RBBP8NL: variants seen among roughly 807,000 people sequenced by gnomAD.
The protein encoded by RBBP8NL is RBBP8 N-terminal-like protein.
In RBBP8NL, 59 loss-of-function variants were observed where a neutral mutation model predicts 62.2. The observed-to-expected ratio is 0.95, with a 90% CI of 0.77 to 1.18. RBBP8NL has a LOEUF of 1.18. Among genes scored for constraint, RBBP8NL ranks in the 50% most tolerant of loss-of-function variants. RBBP8NL has a pLI of 0.00. For missense variants in RBBP8NL, 896 were observed against 899.5 expected, an observed-to-expected ratio of 1.00 and a Z score of 0.05; for synonymous variants, 412 against 394.1, an observed-to-expected ratio of 1.05 and a Z score of -0.54.
intron 11 of RBBP8NL, 145 bp downstream of exon 11, chr20:62,413,256 C>G: frequency 9.2e-7 from 1 of 1,090,426 alleles, no homozygotes; most frequent in Admixed American, 3.4e-5. Context: ...AGAGCCAAGC[C>G]CTGGAGCCTG....
Position 62,414,017 on chromosome 20 carries a change from G to A in RBBP8NL, c.1334C>T (p.Ser445Leu), listed in dbSNP as rs777291306. ...DCALDKPLDL[S>L]EWGRARGQDT... ...CTGGCCCCGGGCCCGGCCCCACTCC[G>A]AGAGGTCCAGGGGCTTGTCTAGGGC... Residue 445 changes from serine to leucine, a missense_variant, in exon 10 of 14, where the codon TCG becomes TTG. Coordinates refer to ENST00000252998, the MANE Select transcript of RBBP8NL (RefSeq NM_080833.3). 47 of 1,583,968 alleles carry A rather than the reference G, an allele frequency of 3.0e-5. No homozygotes were observed. The Admixed American group carries it at 6.9e-4, about 23-fold the overall frequency.
intron 1 of RBBP8NL, among the ~76,000 whole-genome samples, chr20:62,422,312 C>G (rs1312809381): frequency 6.6e-6 from 1 of 151,964 alleles, no homozygotes; most frequent in African/African-American, 2.4e-5. Flanking sequence ...CCGCCTAACC[C>G]CATCCCATGA....
chr20:62,415,460 A>G, intron 8 of RBBP8NL, 118 bp downstream of exon 8: 1 of 1,386,392 alleles, frequency 7.2e-7, no homozygotes, highest in Non-Finnish European at 1.0e-6. Flanking sequence ...GGGACAAAGG[A>G]GGGGCACATT....
At chr20:62,413,596 C>G (rs770110360) in intron 10 of RBBP8NL, 51 bp from the exon 11 acceptor site, 5 of 1,495,176 alleles carry the variant, frequency 3.3e-6, no homozygotes, top group African/African-American at 1.4e-5. Context: ...ACTTCCTTGC[C>G]GCCAACTCAG....
intron 1 of RBBP8NL, among the ~76,000 whole-genome samples, chr20:62,426,716 CACCGCCGCAGGGCCCCCGGGACAG>C (rs1988816595): frequency 6.6e-6 from 1 of 152,262 alleles, no homozygotes; most frequent in Non-Finnish European, 1.5e-5. Flanking sequence ...CCTGTGCACA[CACCGCCGCAGGGCCCCCGGGACAG>C]CTGCACACGC....
intron 1 of RBBP8NL, among the ~76,000 whole-genome samples, chr20:62,427,183 A>G (rs890578711): frequency 3.3e-5 from 5 of 152,192 alleles, no homozygotes; most frequent in African/African-American, 1.2e-4. Context: ...TCAGCAGACC[A>G]TGGACACTTC....
chr20:62,413,043 G>A (rs1362897921), intron 11 of RBBP8NL, 143 bp from the exon 12 acceptor site: 2 of 958,688 alleles, frequency 2.1e-6, no homozygotes, highest in Non-Finnish European at 3.1e-6. Flanking sequence ...CAGGGCACTG[G>A]CTGACAGGAG....
chr20:62,418,368 G>T lies in RBBP8NL; in HGVS notation c.104+55C>A, dbSNP rs369809222. 2.9e-5 allele frequency: 43 copies of T among 1,482,538 alleles called. No homozygotes were observed. The East Asian group carries it at 7.1e-4, about 25-fold the overall frequency. 91.8% of individuals were successfully genotyped at this position (1,482,538 alleles called of 1,614,324 possible). A position where few individuals can be genotyped will look rare whatever the true frequency, so the allele number is the denominator to read the frequency against. On this transcript the variant is annotated intron_variant, in intron 3 of 13. Transcript: ENST00000252998. ...TGCTGGCACACTGGGGCTTCAGGGG[G>T]ATGAAGTGGCCAGTGTGGTCCCTGT...
chr20:62,423,003 C>G (rs1365464992), intron 1 of RBBP8NL, among the ~76,000 whole-genome samples: 1 of 151,890 alleles, frequency 6.6e-6, no homozygotes, highest in East Asian at 1.9e-4. Context: ...GATCCTGGGA[C>G]TAGGGAGACT....
At chr20:62,416,721 G>A (rs200551020) in intron 5 of RBBP8NL, 39 bp downstream of exon 5, 26 of 1,456,452 alleles carry the variant, frequency 1.8e-5, no homozygotes, top group South Asian at 9.7e-5. Context: ...GCCTGGCCCC[G>A]TGGGAGAGGA....
At position 62,415,299 on chromosome 20, in the gene RBBP8NL, G is replaced by A; in HGVS notation, c.628-12C>T. The A allele has an allele frequency of 6.4e-7, 1 of 1,566,010 alleles. No individual in the cohort carries two copies. Among genetic ancestry groups the A allele is most frequent in the South Asian group, 1.2e-5 (1 of 86,446 alleles). On this transcript the variant is annotated splice_polypyrimidine_tract_variant and intron_variant, in intron 8 of 13. Transcript: ENST00000252998. ...ATGCGCTGGGGGCTCTGTGAGGATGGGTGGGTCAGCCTGGGCGGGGGCATG... is the reference window on the plus strand; with the variant it reads ...ATGCGCTGGGGGCTCTGTGAGGATGAGTGGGTCAGCCTGGGCGGGGGCATG...
Position 62,417,242 on chromosome 20 carries a change from AG to A in RBBP8NL, c.181del (p.Leu61CysfsTer48). The A allele has an allele frequency of 3.1e-6, 5 of 1,605,024 alleles. No individual in the cohort carries two copies. The highest frequency in any genetic ancestry group is 1.7e-5 in the Admixed American group (1 of 58,884). ...GGCCCACCTGTTCTCCAGCACCCGCAGGTTCTCCTTCAGTGTCTTCTGCTGT... is the reference window on the plus strand; with the variant it reads ...GGCCCACCTGTTCTCCAGCACCCGCAGTTCTCCTTCAGTGTCTTCTGCTGT... ...REQQKTLKEN[L>X]RVLENRLRAG... On this transcript the variant is annotated frameshift_variant, in exon 4 of 14. Coordinates refer to ENST00000252998, the MANE Select transcript of RBBP8NL (RefSeq NM_080833.3). LOFTEE classifies it high-confidence loss of function.
chr20:62,426,059 C>T (rs1016173865), intron 1 of RBBP8NL, among the ~76,000 whole-genome samples: 3 of 150,048 alleles, frequency 2.0e-5, no homozygotes, highest in Non-Finnish European at 4.4e-5. Flanking sequence ...GTAGCAGTAG[C>T]AGTGGCAGTG....
At position 62,412,818 on chromosome 20, in the gene RBBP8NL, G is replaced by T; in HGVS notation, c.1746+12C>A. On this transcript the variant is annotated intron_variant, in intron 12 of 13. Coordinates refer to ENST00000252998, the MANE Select transcript of RBBP8NL (RefSeq NM_080833.3). ...CTGGCCCTGCCCTGCTGAGTGTGTG[G>T]CCTGGACCCACCTCGCTGCCTGGGG... The T allele has an allele frequency of 1.2e-6, 2 of 1,613,360 alleles. No individual in the cohort carries two copies. Among genetic ancestry groups the T allele is most frequent in the Non-Finnish European group, 1.7e-6 (2 of 1,180,004 alleles).
Position 62,419,722 on chromosome 20 carries a change from G to A in RBBP8NL, c.-75C>T. 6.6e-7 allele frequency: 1 copy of A among 1,504,542 alleles called. No individual in the cohort carries two copies. Among genetic ancestry groups the A allele is most frequent in the Admixed American group, 1.7e-5 (1 of 59,010 alleles). 93.2% of individuals were successfully genotyped at this position (1,504,542 alleles called of 1,614,324 possible). A position where few individuals can be genotyped will look rare whatever the true frequency, so the allele number is the denominator to read the frequency against. On this transcript the variant is annotated 5_prime_UTR_variant, in exon 2 of 14. Transcript: ENST00000252998. ...CGCCTGCAGCCTCTACTGCCCCTCT[G>A]TGTCCATCCTGAAGAGGAGGAAGAG... is the stretch of plus-strand genomic sequence containing the variant.
chr20:62,426,018 GGCAGTGGCATTA>G lies in RBBP8NL; in HGVS notation c.-84+1430_-84+1441del, dbSNP rs1236789673. On this transcript the variant is annotated intron_variant, in intron 1 of 13. Transcript: ENST00000252998. The stretch of plus-strand genomic sequence containing the variant: ...TGGGAGTGGCAGTGGCAGTGGCAGC[GGCAGTGGCATTA>G]GCAGTGGCAGTGGCAGTGGTAGCAG... Among the ~76,000 whole-genome samples the G allele has an allele frequency of 8.2e-4, 48 of 58,714 alleles. No homozygotes were observed. The East Asian group carries it at 0.018, about 22-fold the overall frequency. 38.5% of individuals were successfully genotyped at this position (58,714 alleles called of 152,430 possible). A position where few individuals can be genotyped will look rare whatever the true frequency, so the allele number is the denominator to read the frequency against.
chr20:62,423,625 G>C (rs13044431), intron 1 of RBBP8NL, among the ~76,000 whole-genome samples: 97,075 of 152,096 alleles, frequency 0.64, 30,984 homozygotes, highest in South Asian at 0.72. Context: ...CCTGGGAGAG[G>C]TCTCTGGGGT....
chr20:62,413,343 C>G lies in RBBP8NL; in HGVS notation c.1675+58G>C, dbSNP rs1052348612. On this transcript the variant is annotated intron_variant, in intron 11 of 13. Coordinates refer to ENST00000252998, the MANE Select transcript of RBBP8NL (RefSeq NM_080833.3). Reference sequence around the variant, plus strand: ...CCTGGTGGGCACTGACCACCACCCTCTCTCTCCGTGGGGAAAACACCTCCC... The same window carrying G: ...CCTGGTGGGCACTGACCACCACCCTGTCTCTCCGTGGGGAAAACACCTCCC... 5 of 1,371,274 alleles carry G rather than the reference C, an allele frequency of 3.6e-6. No individual in the cohort carries two copies. The African/African-American group carries it at 7.5e-5, about 21-fold the overall frequency. The allele number at this position is 1,371,274 out of a possible 1,614,324, so 84.9% of individuals were successfully genotyped here.
chr20:62,424,580 T>G (rs1165449473), intron 1 of RBBP8NL, among the ~76,000 whole-genome samples: 2 of 152,122 alleles, frequency 1.3e-5, no homozygotes, highest in East Asian at 1.9e-4. Flanking sequence ...ACAGAGCCCA[T>G]CCAGTAAACG....
Sources: gnomAD v4.1 joint callset for allele counts (sites outside exome capture counted in the v4.1 genomes callset) on GRCh38, gnomAD v4.1.1 for gene constraint, MANE v1.5 for transcripts, NCBI Gene and HGNC (gene_info 2026-07-23, HGNC 2026-07-21) for gene names.